Variants in ETFA observed in about 807,000 individuals in gnomAD.
ETFA encodes the protein electron transfer flavoprotein subunit alpha, mitochondrial.
A neutral mutation model predicts 46.2 loss-of-function variants in ETFA; 22 were observed. The ratio of observed to expected loss-of-function variants is 0.48; its 90% CI spans 0.34 to 0.68. The LOEUF (loss-of-function observed/expected upper bound fraction) is 0.68. Ranked by LOEUF, ETFA falls within the 30% of genes least tolerant of loss-of-function variation. The pLI, the probability that ETFA is intolerant of heterozygous loss-of-function variation, is 0.01. For missense variants in ETFA, 345 were observed against 401.1 expected (o/e 0.86, Z 1.19); for synonymous variants, 131 against 139.9 (o/e 0.94, Z 0.45).
intron 1 of ETFA, among the ~76,000 whole-genome samples, chr15:76,304,119 T>G (rs2039911189): frequency 6.6e-6 from 1 of 152,178 alleles, no homozygotes; most frequent in South Asian, 2.1e-4. Context: ...TTAAAAAGAA[T>G]GAGATCATGT....
At chr15:76,277,641 T>C (rs1567212990) in intron 8 of ETFA, among the ~76,000 whole-genome samples, 1 of 152,190 alleles carries the variant, frequency 6.6e-6, no homozygotes, top group Admixed American at 6.5e-5. Flanking sequence ...TAGCTGAGAC[T>C]ACAGGTGCGT....
chr15:76,284,767 C>T (rs917378647), intron 7 of ETFA: 5 of 215,246 alleles, frequency 2.3e-5, no homozygotes, highest in Admixed American at 6.0e-5. Flanking sequence ...GCTGGAATTA[C>T]AGGTGTGAGT....
intron 9 of ETFA, among the ~76,000 whole-genome samples, chr15:76,236,275 A>G (rs1397049239): frequency 6.6e-6 from 1 of 152,228 alleles, no homozygotes; most frequent in Non-Finnish European, 1.5e-5. Flanking sequence ...ATCTATACTT[A>G]TATATCTTGT....
chr15:76,242,036 C>T (rs1401475511), intron 9 of ETFA, among the ~76,000 whole-genome samples: 4 of 151,914 alleles, frequency 2.6e-5, no homozygotes, highest in Non-Finnish European at 5.9e-5. Flanking sequence ...AAGGTTTCAC[C>T]ATGTTGGTGA....
intron 10 of ETFA, chr15:76,228,652 T>C (rs2039030015): frequency 2.6e-5 from 4 of 153,342 alleles, no homozygotes; most frequent in Admixed American, 2.6e-4. Flanking sequence ...GTCTTGCTTG[T>C]ATCCAAAGCT....
intron 9 of ETFA, among the ~76,000 whole-genome samples, chr15:76,271,907 G>GTATATA (rs2039536607): frequency 7.9e-6 from 1 of 126,606 alleles, no homozygotes; most frequent in African/African-American, 3.3e-5. Flanking sequence ...GTATATGTGT[G>GTATATA]TGTATATACA....
chr15:76,239,071 C>G (rs917861440), intron 9 of ETFA, among the ~76,000 whole-genome samples: 7 of 152,080 alleles, frequency 4.6e-5, no homozygotes, highest in Admixed American at 3.9e-4. Context: ...TATGTACTGT[C>G]TATGTTACGC....
At chr15:76,293,611 T>C (rs1596223502) in intron 2 of ETFA, among the ~76,000 whole-genome samples, 1 of 152,234 alleles carries the variant, frequency 6.6e-6, no homozygotes, top group Non-Finnish European at 1.5e-5. Context: ...TCATGGCTGG[T>C]TTCCACTTTA....
chr15:76,305,859 G>GTTTTTT (rs145324866), intron 1 of ETFA, among the ~76,000 whole-genome samples: 1 of 146,566 alleles, frequency 6.8e-6, no homozygotes, highest in Admixed American at 6.9e-5. Context: ...AACCTCAATA[G>GTTTTTT]TTGTTTTTTT....
chr15:76,262,002 C>T (rs977342817), intron 9 of ETFA, among the ~76,000 whole-genome samples: 1 of 152,082 alleles, frequency 6.6e-6, no homozygotes, highest in Admixed American at 6.5e-5. Flanking sequence ...AAAGTAGGTA[C>T]TATACCTATG....
At chr15:76,283,236 G>A (rs181843302) in intron 8 of ETFA, among the ~76,000 whole-genome samples, 1 of 152,192 alleles carries the variant, frequency 6.6e-6, no homozygotes, top group Non-Finnish European at 1.5e-5. Flanking sequence ...CTGTTGCCCA[G>A]ACTGGAATGC....
chr15:76,259,741 A>C, intron 9 of ETFA: 1 of 1,570,672 alleles, frequency 6.4e-7, no homozygotes, highest in African/African-American at 1.4e-5. Context: ...TGCAGTTCCG[A>C]GCGGCCAGGT....
At chr15:76,219,389 G>A in intron 11 of ETFA, among the ~76,000 whole-genome samples, 1 of 152,044 alleles carries the variant, frequency 6.6e-6, no homozygotes, top group East Asian at 1.9e-4. Context: ...GAAAACAGGG[G>A]TGAATCTTCA....
At chr15:76,286,249 T>C (rs1284600256) in intron 6 of ETFA, 122 bp downstream of exon 6, 2 of 617,084 alleles carry the variant, frequency 3.2e-6, no homozygotes, top group African/African-American at 3.7e-5. Flanking sequence ...GGAATATCAT[T>C]TAAATTGAAC....
At chr15:76,296,383 C>G (rs2039823308) in intron 1 of ETFA, among the ~76,000 whole-genome samples, 1 of 152,130 alleles carries the variant, frequency 6.6e-6, no homozygotes, top group South Asian at 2.1e-4. Context: ...AATGTAAATT[C>G]CTTAAACAGA....
chr15:76,273,071 C>A (rs73453330), intron 9 of ETFA, among the ~76,000 whole-genome samples: 1 of 151,760 alleles, frequency 6.6e-6, no homozygotes, highest in African/African-American at 2.4e-5. Context: ...AAGACTGGTG[C>A]ATTAGGTTAT....
intron 7 of ETFA, 111 bp from the exon 8 acceptor site, chr15:76,283,936 T>C: frequency 1.4e-6 from 1 of 739,672 alleles, no homozygotes; most frequent in Non-Finnish European, 2.4e-6. Context: ...ACTGCCATAT[T>C]AAGCATGTCA....
At chr15:76,276,937 T>G (rs2039598807) in intron 8 of ETFA, among the ~76,000 whole-genome samples, 2 of 152,264 alleles carry the variant, frequency 1.3e-5, no homozygotes, top group African/African-American at 4.8e-5. Context: ...CTGGTTCTGA[T>G]GCTTTCTCTG....
chr15:76,282,859 T>C (rs1207085215), intron 8 of ETFA, among the ~76,000 whole-genome samples: 1 of 152,164 alleles, frequency 6.6e-6, no homozygotes, highest in African/African-American at 2.4e-5. Flanking sequence ...CTCAATTAGG[T>C]TGCCTAGGCT....
Sources: gnomAD v4.1 joint callset for allele counts (sites outside exome capture counted in the v4.1 genomes callset) on GRCh38, gnomAD v4.1.1 for gene constraint, MANE v1.5 for transcripts, NCBI Gene and HGNC (gene_info 2026-07-23, HGNC 2026-07-21) for gene names.